The following PTCHD4 variants were observed in gnomAD, a reference collection of about 807,000 sequenced individuals.
PTCHD4 encodes patched domain containing 4.
PTCHD4 carries 33 observed loss-of-function variants against 58.1 expected under a neutral mutation model. That is an observed-to-expected ratio of 0.57 (90% CI 0.43 to 0.76). PTCHD4 has a LOEUF of 0.76. Ranked by LOEUF, PTCHD4 falls within the 30% of genes least tolerant of loss-of-function variation. PTCHD4 has a pLI of 0.00. For missense variants in PTCHD4, 1,058 were observed against 1,027.1 expected (o/e 1.03, Z -0.41); for synonymous variants, 478 against 409.6 (o/e 1.17, Z -2.02).
intron 4 of PTCHD4, among the ~76,000 whole-genome samples, chr6:47,992,377 T>C (rs148700628): frequency 2.3e-4 from 35 of 152,256 alleles, no homozygotes; most frequent in African/African-American, 7.2e-4. Context: ...AAAAACTGAT[T>C]ACCAGAAGAC....
rs548682994 is a variant in PTCHD4 at position 47,933,507 on chromosome 6, A to G, written c.899-53571T>C. On this transcript the variant is annotated intron_variant, in intron 4 of 4. Coordinates refer to ENST00000339488, the MANE Select transcript of PTCHD4 (RefSeq NM_001384253.1). ...TTATAAATATTTATCCATCCTGACT[A>G]TAAATCTCAATAAGGAACCAAAAAC... is the stretch of plus-strand genomic sequence containing the variant. Among the ~76,000 whole-genome samples the G allele has an allele frequency of 3.9e-5, 6 of 152,358 alleles. No individual in the cohort carries two copies. In the South Asian group the frequency reaches 6.2e-4, roughly 16 times the overall value.
chr6:47,916,999 G>T (rs1362662658), intron 4 of PTCHD4, among the ~76,000 whole-genome samples: 1 of 151,990 alleles, frequency 6.6e-6, no homozygotes, highest in East Asian at 1.9e-4. Flanking sequence ...TGTCTATAGA[G>T]ATTCATTCTC....
At chr6:47,927,657 C>G (rs1480354011) in intron 4 of PTCHD4, among the ~76,000 whole-genome samples, 1 of 152,040 alleles carries the variant, frequency 6.6e-6, no homozygotes, top group Admixed American at 6.6e-5. Context: ...TCTGGGTCAT[C>G]TCTTCCAGGA....
At chr6:48,023,220 G>T (rs966697861) in intron 3 of PTCHD4, among the ~76,000 whole-genome samples, 1 of 152,030 alleles carries the variant, frequency 6.6e-6, no homozygotes, top group East Asian at 1.9e-4. Flanking sequence ...AATAATGTTT[G>T]CAAGTTAAAA....
At position 48,068,736 on chromosome 6, in the gene PTCHD4, C is replaced by A; in HGVS notation, c.6-95G>T. On this transcript the variant is annotated intron_variant, in intron 2 of 4. Coordinates refer to ENST00000339488, the MANE Select transcript of PTCHD4 (RefSeq NM_001384253.1). This position sits in a 1 kb window ranked among gnomAD's most constrained non-coding sequence, Gnocchi z 4.2. ...CAGTCCCCCCTCCCCACCGCCGCCG[C>A]CTCCCCACCCACTCCGCGCTCACCC... 1 of 1,239,960 alleles carries A rather than the reference C, an allele frequency of 8.1e-7. No homozygotes were observed. Among genetic ancestry groups the A allele is most frequent in the South Asian group, 1.5e-5 (1 of 66,490 alleles). 76.8% of individuals were successfully genotyped at this position (1,239,960 alleles called of 1,614,324 possible).
At chr6:47,941,310 T>C (rs1171421955) in intron 4 of PTCHD4, among the ~76,000 whole-genome samples, 1 of 152,172 alleles carries the variant, frequency 6.6e-6, no homozygotes, top group East Asian at 1.9e-4. Context: ...GAGGAAGCTA[T>C]GGAAGCTGCT....
At chr6:48,019,943 C>T (rs564310721) in intron 3 of PTCHD4, among the ~76,000 whole-genome samples, 2 of 152,048 alleles carry the variant, frequency 1.3e-5, no homozygotes, top group East Asian at 3.9e-4. Context: ...AAATGGTCTT[C>T]TAAGCAGAGG....
At chr6:48,046,305 G>A (rs777119339) in intron 3 of PTCHD4, among the ~76,000 whole-genome samples, 29 of 151,852 alleles carry the variant, frequency 1.9e-4, no homozygotes, top group Non-Finnish European at 3.8e-4. Context: ...GCTCCTTTAT[G>A]GAAACAAAAT....
chr6:48,097,105 ACT>A (rs1765488176), intron 1 of PTCHD4, among the ~76,000 whole-genome samples: 2 of 152,016 alleles, frequency 1.3e-5, no homozygotes, highest in African/African-American at 4.8e-5. Context: ...TAGATCAAAA[ACT>A]CTTTTCTTAG....
intron 4 of PTCHD4, among the ~76,000 whole-genome samples, chr6:48,005,520 T>C (rs1762401366): frequency 6.6e-6 from 1 of 152,186 alleles, no homozygotes; most frequent in South Asian, 2.1e-4. Context: ...CCAGCAGATA[T>C]ATATGTGGCA....
intron 3 of PTCHD4, among the ~76,000 whole-genome samples, chr6:48,062,983 C>G (rs1224950572): frequency 6.6e-6 from 1 of 152,162 alleles, no homozygotes; most frequent in Admixed American, 6.5e-5. Context: ...CCTTAAAGAA[C>G]TGAGAGTTCT....
chr6:48,031,131 G>A (rs1356281079), intron 3 of PTCHD4, among the ~76,000 whole-genome samples: 1 of 152,056 alleles, frequency 6.6e-6, no homozygotes. Flanking sequence ...ATTTTAGCAA[G>A]ACCCTTACCC....
chr6:48,034,366 T>C (rs114260216), intron 3 of PTCHD4, among the ~76,000 whole-genome samples: 1,695 of 152,162 alleles, frequency 0.011, 37 homozygotes, highest in African/African-American at 0.037. Context: ...TGACTACATG[T>C]GGTTGTTCAG....
chr6:48,064,368 T>C (rs1170903151), intron 3 of PTCHD4, among the ~76,000 whole-genome samples: 2 of 152,114 alleles, frequency 1.3e-5, no homozygotes, highest in Non-Finnish European at 1.5e-5. Context: ...TGTAAACACC[T>C]GACCTCCTTG....
intron 1 of PTCHD4, among the ~76,000 whole-genome samples, chr6:48,089,748 T>C (rs1378020917): frequency 1.3e-5 from 2 of 152,348 alleles, no homozygotes; most frequent in African/African-American, 2.4e-5. Context: ...TATTTATCAA[T>C]TGCATTTGAA....
intron 1 of PTCHD4, among the ~76,000 whole-genome samples, chr6:48,088,197 G>T (rs1206472238): frequency 1.3e-5 from 2 of 152,082 alleles, no homozygotes; most frequent in South Asian, 4.1e-4. Context: ...AATATTCTTT[G>T]TGTTTTTTAG....
chr6:47,882,305 T>C (rs1764040786), intron 4 of PTCHD4, among the ~76,000 whole-genome samples: 1 of 152,100 alleles, frequency 6.6e-6, no homozygotes, highest in Non-Finnish European at 1.5e-5. Flanking sequence ...GGCCAGATTT[T>C]TGCTTTATGT....
At chr6:48,103,473 C>T (rs1450576553) in intron 1 of PTCHD4, among the ~76,000 whole-genome samples, 1 of 152,038 alleles carries the variant, frequency 6.6e-6, no homozygotes, top group South Asian at 2.1e-4. Flanking sequence ...CATCAAAGAC[C>T]AAAGGTAGAT....
At chr6:48,014,637 T>A (rs1762805147) in intron 3 of PTCHD4, among the ~76,000 whole-genome samples, 1 of 152,210 alleles carries the variant, frequency 6.6e-6, no homozygotes, top group Non-Finnish European at 1.5e-5. Flanking sequence ...TCAGCTCTAT[T>A]TTTCTATGAA....
Sources: gnomAD v4.1 joint callset for allele counts (sites outside exome capture counted in the v4.1 genomes callset) on GRCh38, gnomAD v4.1.1 for gene constraint, Gnocchi (gnomAD v3.1) non-coding constraint, MANE v1.5 for transcripts, NCBI Gene and HGNC (gene_info 2026-07-23, HGNC 2026-07-21) for gene names.